The following MYBL2 variants were observed in gnomAD, a reference collection of about 807,000 sequenced individuals.
MYBL2 encodes MYB proto-oncogene like 2.
Under a neutral mutation model 79.9 loss-of-function variants are expected in MYBL2, and 28 were observed. The observed-to-expected ratio is 0.35, with a 90% CI of 0.26 to 0.48. The LOEUF is 0.48. MYBL2 is among the 20% of genes least tolerant of loss of function. The pLI is 0.99. For synonymous variants in MYBL2, 378 were observed against 361.2 expected (o/e 1.05, Z -0.53); for missense variants, 735 against 893.9 (o/e 0.82, Z 2.27).
intron 12 of MYBL2, among the ~76,000 whole-genome samples, chr20:43,713,711 C>T (rs1987964537): frequency 1.3e-5 from 2 of 152,194 alleles, no homozygotes; most frequent in South Asian, 4.1e-4. Flanking sequence ...AAGGTATAGC[C>T]AGGCACTTGG....
chr20:43,699,872 A>G lies in MYBL2; in HGVS notation c.779A>G (p.Asp260Gly), dbSNP rs1284276546. The G allele has an allele frequency of 6.2e-7, 1 of 1,614,066 alleles. No homozygotes were observed. The highest frequency in any genetic ancestry group is 8.5e-7 in the Non-Finnish European group (1 of 1,179,994). Residue 260 changes from aspartate (D) to glycine (G), a missense_variant, in exon 7 of 14, where the codon GAT becomes GGT. Around this residue, in one of 5 missense-constraint regions of MYBL2, gnomAD observed 144 missense variants for 131.9 expected, o/e 1.09. Transcript: ENST00000217026. ...AAGGAACAGGAGCCCATCGGTACAG[A>G]TCTGGACGCAGTGCGAACACCAGAG... is the stretch of plus-strand genomic sequence containing the variant. ...TSKEQEPIGT[D>G]LDAVRTPEPL...
intron 10 of MYBL2, among the ~76,000 whole-genome samples, chr20:43,710,768 T>A (rs1338568945): frequency 6.6e-6 from 1 of 152,174 alleles, no homozygotes; most frequent in African/African-American, 2.4e-5. Context: ...GAACTGATTC[T>A]GAGTCAAGCA....
chr20:43,696,622 G>A (rs1240037281), intron 6 of MYBL2, among the ~76,000 whole-genome samples: 1 of 152,304 alleles, frequency 6.6e-6, no homozygotes, highest in Admixed American at 6.5e-5. Flanking sequence ...TCCTGAATTT[G>A]CCGTATCTTA....
chr20:43,672,453 A>G (rs559411700), intron 1 of MYBL2, among the ~76,000 whole-genome samples: 74 of 152,188 alleles, frequency 4.9e-4, no homozygotes, highest in Non-Finnish European at 7.6e-4. Context: ...CAACACACGA[A>G]AAAACAACTT....
At chr20:43,671,160 T>A (rs1380643690) in intron 1 of MYBL2, among the ~76,000 whole-genome samples, 1 of 151,424 alleles carries the variant, frequency 6.6e-6, no homozygotes, top group Non-Finnish European at 1.5e-5. Flanking sequence ...TATTTATTTA[T>A]TTTTTTTGAG....
At chr20:43,668,831 G>T (rs997123565) in intron 1 of MYBL2, among the ~76,000 whole-genome samples, 1 of 152,020 alleles carries the variant, frequency 6.6e-6, no homozygotes, top group Admixed American at 6.6e-5. Context: ...AGGCTGAGTA[G>T]CTGGGACTAT....
intron 9 of MYBL2, among the ~76,000 whole-genome samples, chr20:43,709,504 C>T (rs948920416): frequency 2.6e-5 from 4 of 152,318 alleles, no homozygotes; most frequent in South Asian, 2.1e-4. Context: ...TCCATCACCT[C>T]GGTGAACTCT....
intron 3 of MYBL2, 63 bp from the exon 4 acceptor site, chr20:43,682,730 AG>A: frequency 6.6e-7 from 1 of 1,512,926 alleles, no homozygotes; most frequent in Non-Finnish European, 9.2e-7. Flanking sequence ...GTACTTAACC[AG>A]GCCCCCAGCC....
Position 43,690,836 on chromosome 20 carries a change from A to ATGG in MYBL2, c.501-1321_501-1320insTGG, listed in dbSNP as rs1198440490. 5.3e-5 allele frequency among the ~76,000 whole-genome samples: 8 copies of ATGG among 152,280 alleles called. No individual in the cohort carries two copies. In the East Asian group the frequency reaches 1.4e-3, roughly 26 times the overall value. On this transcript the variant is annotated intron_variant, in intron 5 of 13. Transcript: ENST00000217026. ...TGACCTCAGGTGATCCACCTGCCTC[A>ATGG]GCCTCCCAAAGTGCTGGGATTACAG...
chr20:43,695,554 TG>T (rs1418840173), intron 6 of MYBL2, among the ~76,000 whole-genome samples: 1 of 152,126 alleles, frequency 6.6e-6, no homozygotes, highest in Non-Finnish European at 1.5e-5. Flanking sequence ...TATTTGGTGG[TG>T]GGGGGAACCC....
intron 2 of MYBL2, among the ~76,000 whole-genome samples, chr20:43,676,231 T>G (rs1987006383): frequency 6.6e-6 from 1 of 152,022 alleles, no homozygotes; most frequent in Non-Finnish European, 1.5e-5. Flanking sequence ...AATAGGTAGT[T>G]TTTTGATCCT....
intron 2 of MYBL2, among the ~76,000 whole-genome samples, chr20:43,679,743 T>G (rs537911402): frequency 6.6e-6 from 1 of 152,184 alleles, no homozygotes; most frequent in East Asian, 1.9e-4. Context: ...ATCCTGTCTC[T>G]ACAACAAAAA....
intron 9 of MYBL2, among the ~76,000 whole-genome samples, chr20:43,706,375 G>A (rs1987783411): frequency 6.6e-6 from 1 of 152,120 alleles, no homozygotes; most frequent in Non-Finnish European, 1.5e-5. Flanking sequence ...CAATGGAAGT[G>A]CTTTTACAAT....
chr20:43,670,753 G>A (rs918716785), intron 1 of MYBL2, among the ~76,000 whole-genome samples: 1 of 152,146 alleles, frequency 6.6e-6, no homozygotes, highest in African/African-American at 2.4e-5. Context: ...AATGTGGATA[G>A]CACAGTAAGC....
chr20:43,691,383 G>A (rs1374705491), intron 5 of MYBL2, among the ~76,000 whole-genome samples: 1 of 151,684 alleles, frequency 6.6e-6, no homozygotes, highest in Non-Finnish European at 1.5e-5. Flanking sequence ...GTGCAGTGGC[G>A]CAATCTCGGC....
At chr20:43,683,212 G>C (rs1472487448) in intron 4 of MYBL2, among the ~76,000 whole-genome samples, 1 of 152,180 alleles carries the variant, frequency 6.6e-6, no homozygotes, top group African/African-American at 2.4e-5. Context: ...GGGGCTTGCA[G>C]GTTCTGTACA....
Position 43,699,869 on chromosome 20 carries a change from C to G in MYBL2, c.776C>G (p.Thr259Arg). ...TTSKEQEPIG[T>R]DLDAVRTPEP... ...TCGAAGGAACAGGAGCCCATCGGTA[C>G]AGATCTGGACGCAGTGCGAACACCA... Residue 259 changes from threonine to arginine, a missense_variant, in exon 7 of 14, where the codon ACA becomes AGA. Thr to Arg is a moderately conservative substitution (Grantham distance 71). Around this residue, in one of 5 missense-constraint regions of MYBL2, gnomAD observed 144 missense variants for 131.9 expected, o/e 1.09. Transcript: ENST00000217026. 6.2e-7 allele frequency: 1 copy of G among 1,614,094 alleles called. No individual in the cohort carries two copies. The highest frequency in any genetic ancestry group is 1.1e-5 in the South Asian group (1 of 91,078).
intron 13 of MYBL2, 24 bp from the exon 14 acceptor site, chr20:43,715,935 G>A (rs1175761164): frequency 6.2e-7 from 1 of 1,600,992 alleles, no homozygotes; most frequent in African/African-American, 1.3e-5. Context: ...CTGCCTGGAT[G>A]GTAACCCTCT....
chr20:43,668,665 G>T (rs1041813446), intron 1 of MYBL2, among the ~76,000 whole-genome samples: 1 of 149,340 alleles, frequency 6.7e-6, no homozygotes, highest in Admixed American at 6.8e-5. Context: ...CTGTTCAGGC[G>T]CCTATCAGAC....
Sources: gnomAD v4.1 joint callset for allele counts (sites outside exome capture counted in the v4.1 genomes callset) on GRCh38, gnomAD v4.1.1 for gene constraint, gnomAD v4.1.1 regional missense constraint, MANE v1.5 for transcripts, NCBI Gene and HGNC (gene_info 2026-07-23, HGNC 2026-07-21) for gene names.